The following KIF3A variants were observed in gnomAD, a reference collection of about 807,000 sequenced individuals.
KIF3A encodes the protein kinesin-like protein KIF3A.
KIF3A carries 27 observed loss-of-function variants against 92.6 expected under a neutral mutation model. That is an observed-to-expected ratio of 0.29 (90% CI 0.21 to 0.40). The LOEUF is 0.40. Among genes scored for constraint, KIF3A ranks in the 10% least tolerant of loss-of-function variants. The pLI, the probability that KIF3A is intolerant of heterozygous loss-of-function variation, is 1.00. For synonymous variants in KIF3A, 250 were observed against 275.4 expected (o/e 0.91, Z 0.92); for missense variants, 581 against 872.6 (o/e 0.67, Z 4.21).
intron 9 of KIF3A, among the ~76,000 whole-genome samples, chr5:132,710,355 G>C (rs925386833): frequency 1.3e-5 from 2 of 152,116 alleles, no homozygotes; most frequent in African/African-American, 4.8e-5. Context: ...GGTGGCTCAC[G>C]CCTGTAGTCC....
rs1274915479 is a variant in KIF3A, at chr5:132,695,585, A to C, written c.*1049T>G. On this transcript the variant is annotated 3_prime_UTR_variant, in exon 19 of 19. Transcript: ENST00000403231. ...TTACTATGAAATCAACATAGTTTTT[A>C]TTTGTAGAGGAATATGGTCTAACTG... The C allele has an allele frequency of 6.6e-6, 1 of 152,368 alleles. No individual in the cohort carries two copies. The highest frequency in any genetic ancestry group is 2.4e-5 in the African/African-American group (1 of 41,458). The allele number at this position is 152,368 out of a possible 1,614,324, so 9.4% of individuals were successfully genotyped here.
rs764451856 is a variant in KIF3A, at chr5:132,726,111, A to G, written c.510+17T>C. Reference sequence around the variant, plus strand: ...TTGCTTTGGAAAAAGTACTCCACCAATTTCAATTATCCTTACCTCTAACCT... The same window carrying G: ...TTGCTTTGGAAAAAGTACTCCACCAGTTTCAATTATCCTTACCTCTAACCT... On this transcript the variant is annotated intron_variant, in intron 4 of 18. Coordinates refer to ENST00000403231, the MANE Select transcript of KIF3A (RefSeq NM_001300791.2). 2.2e-5 allele frequency: 34 copies of G among 1,553,236 alleles called. No individual in the cohort carries two copies. Among genetic ancestry groups the G allele is most frequent in the Non-Finnish European group, 2.8e-5 (32 of 1,145,238 alleles).
rs543595045 is a variant in KIF3A at position 132,695,779 on chromosome 5, C to A, written c.*855G>T. On this transcript the variant is annotated 3_prime_UTR_variant, in exon 19 of 19. Coordinates refer to ENST00000403231, the MANE Select transcript of KIF3A (RefSeq NM_001300791.2). The stretch of plus-strand genomic sequence containing the variant: ...ACTGGGAGACATAAAGTAATTCCCA[C>A]CAAAATTTAGAACTCAAAGAAAAGC... The A allele has an allele frequency of 6.6e-6, 1 of 152,396 alleles. No homozygotes were observed. Among genetic ancestry groups the A allele is most frequent in the South Asian group, 2.1e-4 (1 of 4,826 alleles). The allele number at this position is 152,396 out of a possible 1,614,324, so 9.4% of individuals were successfully genotyped here.
intron 18 of KIF3A, chr5:132,697,920 C>T (rs2237059): frequency 0.39 from 60,042 of 152,010 alleles, 18,320 homozygotes; most frequent in African/African-American, 0.82. Flanking sequence ...CACACTTGCA[C>T]TGTCATTTTA....
chr5:132,700,490 T>G, intron 16 of KIF3A, 157 bp downstream of exon 16: 1 of 656,840 alleles, frequency 1.5e-6, no homozygotes, highest in South Asian at 1.9e-5. Flanking sequence ...ATGTTACAAT[T>G]AATTACATGG....
Position 132,696,393 on chromosome 5 carries a change from C to T in KIF3A, c.*241G>A. ...ATGAACTGTTCCCCCAACTTCCCTG[C>T]ACAGTACAATTGAAGAGTAGTAGTA... is the stretch of plus-strand genomic sequence containing the variant. On this transcript the variant is annotated 3_prime_UTR_variant, in exon 19 of 19. Coordinates refer to ENST00000403231, the MANE Select transcript of KIF3A (RefSeq NM_001300791.2). 2.3e-6 allele frequency: 1 copy of T among 430,388 alleles called. No homozygotes were observed. The highest frequency in any genetic ancestry group is 4.2e-6 in the Non-Finnish European group (1 of 238,094). 26.7% of individuals were successfully genotyped at this position (430,388 alleles called of 1,614,324 possible). A position where few individuals can be genotyped will look rare whatever the true frequency, so the allele number is the denominator to read the frequency against.
intron 18 of KIF3A, 38 bp from the exon 19 acceptor site, chr5:132,696,720 C>T (rs1400741694): frequency 1.3e-6 from 2 of 1,492,960 alleles, no homozygotes; most frequent in African/African-American, 1.4e-5. Context: ...TGAATGCTTT[C>T]CTAAAAGACT....
chr5:132,733,423 T>C (rs908868692), intron 2 of KIF3A, among the ~76,000 whole-genome samples: 13 of 152,144 alleles, frequency 8.5e-5, no homozygotes, highest in Non-Finnish European at 1.5e-4. Flanking sequence ...ACAAGTGCAA[T>C]ACTTGTACAC....
In KIF3A at chr5:132,711,072, T is replaced by C; in HGVS notation, c.1130-15A>G. The stretch of plus-strand genomic sequence containing the variant: ...TATTTCTTCTCCTTGGACAGAAATT[T>C]AATACAATGTTTTTTATCCTGTACG... On this transcript the variant is annotated splice_polypyrimidine_tract_variant and intron_variant, in intron 8 of 18. Coordinates refer to ENST00000403231, the MANE Select transcript of KIF3A (RefSeq NM_001300791.2). The C allele has an allele frequency of 6.2e-7, 1 of 1,607,434 alleles. No individual in the cohort carries two copies. Among genetic ancestry groups the C allele is most frequent in the Non-Finnish European group, 8.5e-7 (1 of 1,173,958 alleles).
rs1754442767 is a variant in KIF3A at position 132,737,482 on chromosome 5, G to T, written c.-63C>A. The T allele has an allele frequency of 6.3e-7, 1 of 1,584,176 alleles. No individual in the cohort carries two copies. The highest frequency in any genetic ancestry group is 1.1e-5 in the South Asian group (1 of 87,966). On this transcript the variant is annotated 5_prime_UTR_variant, in exon 1 of 19. Coordinates refer to ENST00000403231, the MANE Select transcript of KIF3A (RefSeq NM_001300791.2). ...GGGGTGCAGCCCAGCGACACCGGGT[G>T]CGCAGAAAGGATGGCCAGAGACTAC... is the stretch of plus-strand genomic sequence containing the variant.
In KIF3A at chr5:132,699,486, C is replaced by G. The variant is rs1378181344; in HGVS notation, c.2008-191G>C. The G allele has an allele frequency of 4.6e-6, 3 of 651,194 alleles. No individual in the cohort carries two copies. In the African/African-American group the frequency reaches 5.4e-5, roughly 12 times the overall value. 40.3% of individuals were successfully genotyped at this position (651,194 alleles called of 1,614,324 possible). A position where few individuals can be genotyped will look rare whatever the true frequency, so the allele number is the denominator to read the frequency against. ...TTAATAAAGGTTGGTGAGTAAGAAG[C>G]CCTGACACACTATAAATTTCCTTGG... On this transcript the variant is annotated intron_variant, in intron 17 of 18. Transcript: ENST00000403231.
chr5:132,701,118 T>C (rs1753021174), intron 15 of KIF3A, among the ~76,000 whole-genome samples: 2 of 126,276 alleles, frequency 1.6e-5, no homozygotes, highest in South Asian at 5.6e-4. Flanking sequence ...ACTAATTCCA[T>C]GTACCTGAGG....
chr5:132,716,813 A>T lies in KIF3A; in HGVS notation c.756+32T>A, dbSNP rs747062222. The T allele has an allele frequency of 1.0e-5, 16 of 1,601,624 alleles. No homozygotes were observed. The African/African-American group carries it at 2.2e-4, about 22-fold the overall frequency. ...ATAAAATAAATGGATCACAAGAAAG[A>T]GTTATTCCTTAAGCAGTGTCCTGTT... On this transcript the variant is annotated intron_variant, in intron 6 of 18. Coordinates refer to ENST00000403231, the MANE Select transcript of KIF3A (RefSeq NM_001300791.2).
At position 132,696,468 on chromosome 5, in the gene KIF3A, T is replaced by C; in HGVS notation, c.*166A>G. 1.7e-6 allele frequency: 1 copy of C among 580,526 alleles called. No individual in the cohort carries two copies. Among genetic ancestry groups the C allele is most frequent in the Non-Finnish European group, 3.1e-6 (1 of 318,492 alleles). The allele number at this position is 580,526 out of a possible 1,614,324, so 36.0% of individuals were successfully genotyped here. ...GTACAATTTTAATGTTATATTAATA[T>C]ATGTAGACTAAAAGTTCTTAAGCAA... On this transcript the variant is annotated 3_prime_UTR_variant, in exon 19 of 19. Transcript: ENST00000403231.
rs1752840948 is a variant in KIF3A at position 132,696,468 on chromosome 5, TA to T, written c.*165del. The T allele has an allele frequency of 1.7e-6, 1 of 580,408 alleles. No individual in the cohort carries two copies. Among genetic ancestry groups the T allele is most frequent in the Non-Finnish European group, 3.1e-6 (1 of 318,500 alleles). 36.0% of individuals were successfully genotyped at this position (580,408 alleles called of 1,614,324 possible). ...GTACAATTTTAATGTTATATTAATA[TA>T]TGTAGACTAAAAGTTCTTAAGCAAA... On this transcript the variant is annotated 3_prime_UTR_variant, in exon 19 of 19. Transcript: ENST00000403231.
Position 132,703,637 on chromosome 5 carries a change from T to C in KIF3A, c.1310-18A>G. 6.4e-7 allele frequency: 1 copy of C among 1,574,162 alleles called. No individual in the cohort carries two copies. Among genetic ancestry groups the C allele is most frequent in the Non-Finnish European group, 8.6e-7 (1 of 1,157,092 alleles). On this transcript the variant is annotated intron_variant, in intron 11 of 18. Coordinates refer to ENST00000403231, the MANE Select transcript of KIF3A (RefSeq NM_001300791.2). ...CTTTTTTCCTATTTGAATCATTTAA[T>C]TGCAACAATCACTAAAATGAATCAA...
intron 18 of KIF3A, 71 bp from the exon 19 acceptor site, chr5:132,696,753 T>C: frequency 8.5e-7 from 1 of 1,170,124 alleles, no homozygotes; most frequent in African/African-American, 1.5e-5. Flanking sequence ...TTTAACATTA[T>C]ATAGAAACTA....
Position 132,711,050 on chromosome 5 carries a change from T to C in KIF3A, c.1137A>G (p.Glu379=), listed in dbSNP as rs758525622. 6 of 1,610,226 alleles carry C rather than the reference T, an allele frequency of 3.7e-6. No individual in the cohort carries two copies. Among genetic ancestry groups the C allele is most frequent in the Non-Finnish European group, 4.2e-6 (5 of 1,176,470 alleles). The part of the protein sequence containing the change: ...ELKKKLEEGE[E]ISGSDISGSE... ...ACCCACTGATATCAGAGCCTGATAT[T>C]TCTTCTCCTTGGACAGAAATTTAAT... Residue 379 remains glutamate (E), a synonymous_variant, in exon 9 of 19, where the codon GAA becomes GAG. Transcript: ENST00000403231.
intron 18 of KIF3A, among the ~76,000 whole-genome samples, chr5:132,697,330 A>G (rs771796138): frequency 1.1e-4 from 16 of 152,234 alleles, no homozygotes; most frequent in Non-Finnish European, 1.5e-4. Context: ...TGGCTCATAT[A>G]ATGTTGGGCC....
Sources: allele counts gnomAD v4.1 joint callset (sites outside exome capture counted in the v4.1 genomes callset), GRCh38; gene constraint gnomAD v4.1.1; transcripts MANE v1.5; gene names NCBI Gene and HGNC (gene_info 2026-07-23, HGNC 2026-07-21).